The following DMD variants were observed in gnomAD, a reference collection of about 807,000 sequenced individuals.
DMD encodes dystrophin, also known as mutant dystrophin.
DMD carries 63 observed loss-of-function variants against 330.1 expected under a neutral mutation model. That is an observed-to-expected ratio of 0.19 (90% confidence interval 0.16 to 0.24). The LOEUF (loss-of-function observed/expected upper bound fraction) is 0.24. Ranked by LOEUF, DMD falls within the 10% of genes least tolerant of loss-of-function variation. The pLI is 1.00. For synonymous variants in DMD, 1,223 were observed against 959.8 expected (o/e 1.27, Z -5.07); for missense variants, 3,344 against 2,684.1 (o/e 1.25, Z -5.43).
intron 2 of DMD, among the ~76,000 whole-genome samples, chrX:32,988,283 T>C (rs1245140015): frequency 8.9e-6 from 1 of 111,912 alleles, no homozygotes; most frequent in Admixed American, 9.6e-5. Context: ...TTTCTGACTT[T>C]ATTCATTAAG....
intron 60 of DMD, among the ~76,000 whole-genome samples, chrX:31,431,806 C>A (rs759179600): frequency 2.6e-4 from 29 of 109,675 alleles, no homozygotes; most frequent in South Asian, 1.6e-3. Flanking sequence ...CTTTTCTTTT[C>A]TTTCTCTCTC....
intron 47 of DMD, among the ~76,000 whole-genome samples, chrX:31,900,316 G>A (rs1030912256): frequency 1.3e-4 from 14 of 111,257 alleles, no homozygotes; most frequent in Admixed American, 1.9e-4. Flanking sequence ...CCAGTGGGAG[G>A]TAATTTAATC....
intron 44 of DMD, among the ~76,000 whole-genome samples, chrX:31,997,396 C>G (rs1013135267): frequency 9.3e-6 from 1 of 107,579 alleles, no homozygotes; most frequent in Non-Finnish European, 1.9e-5. Context: ...AGAATTTCTG[C>G]AGGTGGGAAC....
intron 1 of DMD, among the ~76,000 whole-genome samples, chrX:33,238,829 A>G (rs1184390333): frequency 1.8e-5 from 2 of 111,436 alleles, no homozygotes; most frequent in Non-Finnish European, 1.9e-5. Flanking sequence ...ATAGGACACC[A>G]ATAACCCAAA....
chrX:32,878,330 A>G (rs753601475), intron 2 of DMD, among the ~76,000 whole-genome samples: 4 of 111,778 alleles, frequency 3.6e-5, no homozygotes, highest in Non-Finnish European at 7.5e-5. Flanking sequence ...GTGAGCCGAG[A>G]TTGCTCCACT....
chrX:32,320,247 C>T (rs746972780), intron 41 of DMD, among the ~76,000 whole-genome samples: 8 of 110,843 alleles, frequency 7.2e-5, no homozygotes, highest in African/African-American at 1.3e-4. Flanking sequence ...TAGATTAATG[C>T]GGCAACTCAG....
chrX:31,248,826 T>C (rs2049071509), intron 63 of DMD, among the ~76,000 whole-genome samples: 1 of 111,324 alleles, frequency 9.0e-6, no homozygotes, highest in African/African-American at 3.3e-5. Context: ...GCTAACTGTG[T>C]CTCCTTCCTG....
chrX:32,065,491 C>T (rs1319300876), intron 44 of DMD, among the ~76,000 whole-genome samples: 2 of 112,033 alleles, frequency 1.8e-5, no homozygotes, highest in African/African-American at 6.5e-5. Flanking sequence ...ACATTCTTCA[C>T]ACTGTAATTT....
At chrX:31,812,208 T>G (rs745902037) in intron 50 of DMD, among the ~76,000 whole-genome samples, 7 of 110,138 alleles carry the variant, frequency 6.4e-5, no homozygotes, top group African/African-American at 2.3e-4. Context: ...AATTAAAATG[T>G]ATAAATCACC....
At chrX:32,833,240 G>A (rs2079301889) in intron 4 of DMD, among the ~76,000 whole-genome samples, 1 of 111,063 alleles carries the variant, frequency 9.0e-6, no homozygotes, top group Non-Finnish European at 1.9e-5. Flanking sequence ...ATGGAGTCAT[G>A]TTTTCATTTG....
chrX:32,646,895 A>T (rs775993671), intron 9 of DMD, among the ~76,000 whole-genome samples: 1 of 111,365 alleles, frequency 9.0e-6, no homozygotes, highest in East Asian at 2.8e-4. Context: ...AAAGAGGGTA[A>T]GTGCACTGAA....
intron 12 of DMD, among the ~76,000 whole-genome samples, chrX:32,609,094 A>T (rs2056960611): frequency 9.1e-6 from 1 of 110,110 alleles, no homozygotes; most frequent in African/African-American, 3.3e-5. Flanking sequence ...AGAATCTATT[A>T]CTTTGAGCTT....
chrX:33,113,782 T>G, intron 1 of DMD, among the ~76,000 whole-genome samples: 1 of 111,723 alleles, frequency 9.0e-6, no homozygotes, highest in South Asian at 3.7e-4. Context: ...AAAAGATCAG[T>G]TGTCACATGT....
At chrX:32,042,162 CACATATGTATACATATATACATACATAT>C (rs1233176420) in intron 44 of DMD, among the ~76,000 whole-genome samples, 9 of 59,947 alleles carry the variant, frequency 1.5e-4, no homozygotes, top group African/African-American at 3.6e-4. Flanking sequence ...TACATATACA[CACATATGTATACATATATACATACATAT>C]ACACACACAC....
intron 9 of DMD, among the ~76,000 whole-genome samples, chrX:32,690,926 C>T (rs1157091034): frequency 9.0e-6 from 1 of 110,811 alleles, no homozygotes; most frequent in Non-Finnish European, 1.9e-5. Context: ...GACATTCATC[C>T]TCGCAATTAT....
At chrX:32,448,063 A>C (rs903448556) in intron 27 of DMD, among the ~76,000 whole-genome samples, 1 of 111,109 alleles carries the variant, frequency 9.0e-6, no homozygotes, top group African/African-American at 3.3e-5. Context: ...AAGATACTTA[A>C]ATAAGTTTAT....
At chrX:33,277,589 C>T (rs1440507338) in intron 1 of DMD, among the ~76,000 whole-genome samples, 1 of 110,552 alleles carries the variant, frequency 9.0e-6, no homozygotes, top group East Asian at 2.9e-4. Flanking sequence ...TTTATGACTC[C>T]TGGACATTTT....
chrX:32,791,385 G>A (rs2075810030), intron 7 of DMD, among the ~76,000 whole-genome samples: 1 of 111,506 alleles, frequency 9.0e-6, no homozygotes, highest in South Asian at 3.8e-4. Context: ...AATGTACACA[G>A]CTCTGAGGCC....
intron 1 of DMD, among the ~76,000 whole-genome samples, chrX:33,338,416 G>A (rs974002533): frequency 9.1e-6 from 1 of 109,408 alleles, no homozygotes; most frequent in African/African-American, 3.3e-5. Context: ...TCTAAAAATC[G>A]TACGCAGGCA....
Sources: allele counts gnomAD v4.1 joint callset (sites outside exome capture counted in the v4.1 genomes callset), GRCh38; gene constraint gnomAD v4.1.1; transcripts MANE v1.5; gene names NCBI Gene and HGNC (gene_info 2026-07-23, HGNC 2026-07-21).